PALM2AKAP2: variants seen among roughly 807,000 people sequenced by gnomAD.
PALM2AKAP2 encodes the protein PALM2 and AKAP2 fusion, also known as PALM2-AKAP2 fusion protein.
A neutral mutation model predicts 71.5 loss-of-function variants in PALM2AKAP2; 37 were observed. That is an observed-to-expected ratio of 0.52 (90% CI 0.40 to 0.68). The LOEUF (loss-of-function observed/expected upper bound fraction) is 0.68. Among genes scored for constraint, PALM2AKAP2 ranks in the 30% least tolerant of loss-of-function variants. The pLI is 0.00. For synonymous variants in PALM2AKAP2, 468 were observed against 478.8 expected (o/e 0.98, Z 0.29); for missense variants, 1,224 against 1,191.8 (o/e 1.03, Z -0.40).
At chr9:109,771,548 A>G (rs6477727) in intron 1 of PALM2AKAP2, among the ~76,000 whole-genome samples, 73,002 of 152,014 alleles carry the variant, frequency 0.48, 18,668 homozygotes, top group South Asian at 0.65. Flanking sequence ...CCCCAAATCA[A>G]TGAAGGGAAG....
In PALM2AKAP2 at chr9:109,926,875, C is replaced by G. The variant is rs73657306; in HGVS notation, c.394+1793C>G. Among the ~76,000 whole-genome samples, 1,270 of 152,288 alleles carry G rather than the reference C, an allele frequency of 8.3e-3. 13 individuals carry two copies. The highest frequency in any genetic ancestry group is 0.029 in the East Asian group (150 of 5,186). On this transcript the variant is annotated intron_variant, in intron 5 of 9. Coordinates refer to the PALM2AKAP2 transcript ENST00000302798. ...CATCATAAACTCTCACCACCTCTTT[C>G]ATTTTTACCTCAAACTTCTTTCATT... is the stretch of plus-strand genomic sequence containing the variant.
chr9:109,674,701 G>A (rs1235603541), intron 1 of PALM2AKAP2, among the ~76,000 whole-genome samples: 1 of 151,932 alleles, frequency 6.6e-6, no homozygotes, highest in Admixed American at 6.6e-5. Flanking sequence ...TGCCACATAG[G>A]CTACTTTCTA....
intron 1 of PALM2AKAP2, among the ~76,000 whole-genome samples, chr9:109,853,596 T>C (rs1829078534): frequency 1.3e-5 from 2 of 152,226 alleles, no homozygotes; most frequent in Non-Finnish European, 2.9e-5. Flanking sequence ...GCAGTAAATA[T>C]CATTAAGTAA....
chr9:109,966,085 G>T (rs537461797), intron 6 of PALM2AKAP2, among the ~76,000 whole-genome samples: 24 of 152,318 alleles, frequency 1.6e-4, no homozygotes, highest in African/African-American at 5.3e-4. Flanking sequence ...AAGGGACTTG[G>T]AGTCCAAGTT....
chr9:110,153,657 T>C (rs559264179), intron 2 of PALM2AKAP2, among the ~76,000 whole-genome samples: 1 of 152,386 alleles, frequency 6.6e-6, no homozygotes, highest in East Asian at 1.9e-4. Flanking sequence ...TCGTGCCATG[T>C]ACCACAGCTA....
intron 6 of PALM2AKAP2, 116 bp from the exon 7 acceptor site, chr9:110,015,838 G>A: frequency 1.1e-6 from 1 of 925,302 alleles, no homozygotes; most frequent in Admixed American, 2.0e-5. Flanking sequence ...TAGAGCTATA[G>A]GTCATCATCA....
At chr9:109,988,293 AGTTT>A (rs1328943543) in intron 6 of PALM2AKAP2, among the ~76,000 whole-genome samples, 2 of 152,180 alleles carry the variant, frequency 1.3e-5, no homozygotes, top group South Asian at 2.1e-4. Flanking sequence ...AGAATGAGTT[AGTTT>A]GTTTTCATTT....
At chr9:109,869,050 T>C (rs1340201096) in intron 2 of PALM2AKAP2, among the ~76,000 whole-genome samples, 2 of 152,200 alleles carry the variant, frequency 1.3e-5, no homozygotes, top group African/African-American at 2.4e-5. Context: ...CCTCAGTGAA[T>C]TTCTGGTTAA....
intron 1 of PALM2AKAP2, among the ~76,000 whole-genome samples, chr9:109,741,225 C>T (rs886576979): frequency 1.3e-5 from 2 of 152,112 alleles, no homozygotes; most frequent in Admixed American, 6.6e-5. Context: ...ATTATGCATG[C>T]TTTTGAGTCT....
At chr9:110,074,172 T>C (rs1243721195) in intron 1 of PALM2AKAP2, among the ~76,000 whole-genome samples, 2 of 152,186 alleles carry the variant, frequency 1.3e-5, no homozygotes, top group Middle Eastern at 3.2e-3. Flanking sequence ...TTCAACAAAA[T>C]AACTTGTCTA....
Position 109,968,462 on chromosome 9 carries a change from A to T in PALM2AKAP2, c.496+36434A>T, listed in dbSNP as rs78660835. Among the ~76,000 whole-genome samples, 1,121 of 152,292 alleles carry T rather than the reference A, an allele frequency of 7.4e-3. 18 individuals are homozygous for T. Among genetic ancestry groups the T allele is most frequent in the African/African-American group, 0.026 (1,077 of 41,542 alleles). On this transcript the variant is annotated intron_variant, in intron 6 of 9. Transcript: ENST00000302798. The stretch of plus-strand genomic sequence containing the variant: ...GAGAGCAGAAGCGACTAGATCTCTC[A>T]GTGAAAGGTTTTCTCCGAAGACGTC...
intron 1 of PALM2AKAP2, among the ~76,000 whole-genome samples, chr9:109,701,915 C>G (rs1290070051): frequency 6.6e-6 from 1 of 152,082 alleles, no homozygotes; most frequent in African/African-American, 2.4e-5. Context: ...ACAACCCCAT[C>G]AAAAAGTGGG....
At chr9:110,009,804 C>T (rs1832848190) in intron 6 of PALM2AKAP2, among the ~76,000 whole-genome samples, 1 of 152,142 alleles carries the variant, frequency 6.6e-6, no homozygotes, top group Admixed American at 6.5e-5. Flanking sequence ...GCCCAAATCC[C>T]TCTCCCTGCA....
intron 1 of PALM2AKAP2, among the ~76,000 whole-genome samples, chr9:109,794,039 C>T (rs1827184266): frequency 1.3e-5 from 2 of 152,138 alleles, no homozygotes; most frequent in South Asian, 4.1e-4. Flanking sequence ...GCTGTATTTG[C>T]GATGAAGGCT....
intron 2 of PALM2AKAP2, among the ~76,000 whole-genome samples, chr9:110,147,467 C>T (rs1009136413): frequency 2.0e-5 from 3 of 152,108 alleles, no homozygotes; most frequent in Non-Finnish European, 4.4e-5. Flanking sequence ...ATAAAAAGCT[C>T]CCAGTAAGAG....
chr9:109,754,596 T>C (rs1046017914), intron 1 of PALM2AKAP2, among the ~76,000 whole-genome samples: 1 of 152,170 alleles, frequency 6.6e-6, no homozygotes, highest in Non-Finnish European at 1.5e-5. Context: ...AGACTGAGAT[T>C]TCTGAGACAA....
chr9:109,691,469 C>T (rs1029884208), intron 1 of PALM2AKAP2, among the ~76,000 whole-genome samples: 14 of 152,012 alleles, frequency 9.2e-5, no homozygotes, highest in African/African-American at 3.1e-4. Flanking sequence ...AAATTGTGAT[C>T]TTCCTACCTG....
intron 3 of PALM2AKAP2, among the ~76,000 whole-genome samples, chr9:109,888,076 T>C (rs773595304): frequency 3.3e-5 from 5 of 152,214 alleles, no homozygotes; most frequent in Admixed American, 2.0e-4. Flanking sequence ...ATTTTGGGCT[T>C]GGCTCCTTTC....
At chr9:109,992,335 G>T (rs1423133684) in intron 6 of PALM2AKAP2, among the ~76,000 whole-genome samples, 1 of 152,126 alleles carries the variant, frequency 6.6e-6, no homozygotes, top group Admixed American at 6.5e-5. Context: ...TCTTAACTTG[G>T]CTACATCTGC....
Sources: allele counts gnomAD v4.1 joint callset (sites outside exome capture counted in the v4.1 genomes callset), GRCh38; gene constraint gnomAD v4.1.1; transcripts MANE v1.5; gene names NCBI Gene and HGNC (gene_info 2026-07-23, HGNC 2026-07-21).